Variants in ZNF211 observed in about 807,000 individuals in gnomAD.
ZNF211 encodes zinc finger protein 211, also known as zinc finger protein C2H2-25.
In ZNF211, 18 loss-of-function variants were observed where a neutral mutation model predicts 12.1. That is an observed-to-expected ratio of 1.48 (90% confidence interval 1.03 to 2.20). ZNF211 has a LOEUF of 2.20. ZNF211 is among the 30% of genes most tolerant of loss of function. The pLI is 0.00. For synonymous variants in ZNF211, 249 were observed against 246.0 expected (o/e 1.01, Z -0.11); for missense variants, 677 against 703.1 (o/e 0.96, Z 0.42).
At chr19:57,634,190 C>T (rs1568636912) in intron 2 of ZNF211, 129 bp downstream of exon 2, 2 of 1,053,030 alleles carry the variant, frequency 1.9e-6, no homozygotes, top group East Asian at 5.3e-5. Context: ...GTTTGGGAAC[C>T]CTGGAGAATC....
intron 3 of ZNF211, among the ~76,000 whole-genome samples, chr19:57,637,051 T>C (rs943257165): frequency 9.9e-5 from 15 of 152,232 alleles, no homozygotes; most frequent in Admixed American, 8.5e-4. Flanking sequence ...TATATTCTCC[T>C]ATTTGCTGAA....
Position 57,641,464 on chromosome 19 carries a change from C to T in ZNF211, c.1017C>T (p.Tyr339=), listed in dbSNP as rs1454149239. 1 of 1,610,912 alleles carries T rather than the reference C, an allele frequency of 6.2e-7. No individual in the cohort carries two copies. The highest frequency in any genetic ancestry group is 2.2e-5 in the East Asian group (1 of 44,680). ...GTGGGAAATCGTTTAGTCAGATATA[C>T]AGCCTCAATAGCCATAGGAAAGTTC... is the stretch of plus-strand genomic sequence containing the variant. ...PECGKSFSQI[Y]SLNSHRKVHT... Residue 339 remains tyrosine (Y), a synonymous_variant, in exon 4 of 4, where the codon TAC becomes TAT. Transcript: ENST00000240731.
Position 57,641,300 on chromosome 19 carries a change from C to G in ZNF211, c.853C>G (p.Leu285Val). Residue 285 changes from leucine to valine, a missense_variant, in exon 4 of 4, where the codon CTC becomes GTC. Leu to Val is a conservative substitution (Grantham distance 32, BLOSUM62 1). Coordinates refer to ENST00000240731, the MANE Select transcript of ZNF211 (RefSeq NM_006385.5). ...GAAAGCATGTACGCGAAGATGTAACCTCATTCAGCACCAGAAAGTCCACAG... is the reference window on the plus strand; with the variant it reads ...GAAAGCATGTACGCGAAGATGTAACGTCATTCAGCACCAGAAAGTCCACAG... ...CGKACTRRCN[L>V]IQHQKVHSEE... 1 of 1,614,166 alleles carries G rather than the reference C, an allele frequency of 6.2e-7. No homozygotes were observed. The highest frequency in any genetic ancestry group is 8.5e-7 in the Non-Finnish European group (1 of 1,180,026).
At chr19:57,637,527 T>G (rs1340670141) in intron 3 of ZNF211, among the ~76,000 whole-genome samples, 3 of 152,144 alleles carry the variant, frequency 2.0e-5, no homozygotes, top group Non-Finnish European at 4.4e-5. Flanking sequence ...GTAGCTGGGA[T>G]TACAGGTGTA....
At chr19:57,639,052 A>G (rs937388190) in intron 3 of ZNF211, among the ~76,000 whole-genome samples, 2 of 152,096 alleles carry the variant, frequency 1.3e-5, no homozygotes, top group African/African-American at 4.8e-5. Context: ...TTTGCATGGA[A>G]TATCTTTTTG....
intron 3 of ZNF211, among the ~76,000 whole-genome samples, chr19:57,638,542 GT>G (rs748069366): frequency 6.6e-6 from 1 of 151,710 alleles, no homozygotes; most frequent in African/African-American, 2.4e-5. Context: ...AAATTTTTTA[GT>G]TTCCTTCTAT....
rs775009360 is a variant in ZNF211, at chr19:57,641,708, C to T, written c.1261C>T (p.Arg421Ter). The change falls in exon 4 of 4, where the codon CGA (arginine) becomes TGA (stop). Residue 421 changes from arginine (R) to a stop codon, truncating the protein, a stop_gained. Transcript: ENST00000240731. LOFTEE classifies it low-confidence loss of function (END_TRUNC). ...ECNECGKSFS[R>*]SSSLIHHRRL... ...CAATGAATGTGGAAAATCCTTTAGC[C>T]GAAGCTCCAGCCTCATTCACCACCG... 8.1e-6 allele frequency: 13 copies of T among 1,613,100 alleles called. No homozygotes were observed. The highest frequency in any genetic ancestry group is 2.2e-5 in the East Asian group (1 of 44,804).
In ZNF211 at chr19:57,641,745, C is replaced by A. The variant is rs1264736851; in HGVS notation, c.1298C>A (p.Thr433Asn). Residue 433 changes from threonine to asparagine, a missense_variant, in exon 4 of 4, where the codon ACT becomes AAT. By Grantham distance (65) the Thr-to-Asn change is moderately conservative (BLOSUM62 0). Coordinates refer to ENST00000240731, the MANE Select transcript of ZNF211 (RefSeq NM_006385.5). The part of the protein sequence containing the change: ...SSLIHHRRLH[T>N]GERPYECSKC... ...CTCATTCACCACCGGAGACTTCACA[C>A]TGGAGAAAGACCCTATGAGTGCAGT... is the stretch of plus-strand genomic sequence containing the variant. The A allele has an allele frequency of 8.1e-6, 13 of 1,614,134 alleles. No individual in the cohort carries two copies. Among genetic ancestry groups the A allele is most frequent in the Non-Finnish European group, 1.1e-5 (13 of 1,180,022 alleles).
In ZNF211 at chr19:57,633,265, G is replaced by A. The variant is rs573805036; in HGVS notation, c.-82G>A. The A allele has an allele frequency of 7.6e-7, 1 of 1,315,958 alleles. No homozygotes were observed. The highest frequency in any genetic ancestry group is 1.0e-6 in the Non-Finnish European group (1 of 985,428). The allele number at this position is 1,315,958 out of a possible 1,614,324, so 81.5% of individuals were successfully genotyped here. On this transcript the variant is annotated 5_prime_UTR_variant, in exon 1 of 4. Coordinates refer to ENST00000240731, the MANE Select transcript of ZNF211 (RefSeq NM_006385.5). ...CGCTTTGGTACGCTGCATCGGGATC[G>A]AAGTGACGGACCGTGAAGGCGCGAG...
At chr19:57,633,956 A>G in intron 1 of ZNF211, 67 bp from the exon 2 acceptor site, 1 of 1,604,572 alleles carries the variant, frequency 6.2e-7, no homozygotes, top group Non-Finnish European at 8.5e-7. Context: ...GCAAGGGTAC[A>G]GGGAAGGCCT....
intron 3 of ZNF211, among the ~76,000 whole-genome samples, chr19:57,635,373 A>G (rs1263308467): frequency 1.3e-5 from 2 of 152,194 alleles, no homozygotes; most frequent in African/African-American, 4.8e-5. Context: ...TCATCTTATA[A>G]AACTGAAACT....
rs770716589 is a variant in ZNF211 at position 57,642,155 on chromosome 19, A to G, written c.1708A>G (p.Arg570Gly). ...CAAATCTGTCCTCATTCAACACCAG[A>G]GAGTTCACATTGGAGAAAAGCCTTA... is the stretch of plus-strand genomic sequence containing the variant. The part of the protein sequence containing the change: ...GCKSVLIQHQ[R>G]VHIGEKP The change falls in exon 4 of 4, where the codon AGA (arginine) becomes GGA (glycine). Residue 570 changes from arginine (R) to glycine (G), a missense_variant. Coordinates refer to ENST00000240731, the MANE Select transcript of ZNF211 (RefSeq NM_006385.5). 6.2e-7 allele frequency: 1 copy of G among 1,610,694 alleles called. No homozygotes were observed. Among genetic ancestry groups the G allele is most frequent in the Non-Finnish European group, 8.5e-7 (1 of 1,177,614 alleles).
intron 2 of ZNF211, chr19:57,634,262 G>A (rs112257113): frequency 1.8e-6 from 1 of 552,568 alleles, no homozygotes; most frequent in South Asian, 4.2e-5. Flanking sequence ...ATGGAAAGAT[G>A]GGTGAAAATT....
At chr19:57,637,648 C>T (rs1982309463) in intron 3 of ZNF211, among the ~76,000 whole-genome samples, 1 of 152,096 alleles carries the variant, frequency 6.6e-6, no homozygotes, top group Non-Finnish European at 1.5e-5. Flanking sequence ...ATTCAGTTTG[C>T]TAGTGTTTGG....
chr19:57,640,951 G>C lies in ZNF211; in HGVS notation c.504G>C (p.Arg168Ser). ...YISANLQQHQ[R>S]QHITEAPFRS... ...GTGCAAATCTTCAACAGCACCAGAG[G>C]CAGCACATTACAGAGGCACCTTTCA... is the stretch of plus-strand genomic sequence containing the variant. Residue 168 changes from arginine (R) to serine (S), a missense_variant, in exon 4 of 4, where the codon AGG (arginine) becomes AGC (serine). Physicochemically the swap from Arg to Ser is moderately radical, Grantham distance 110. Transcript: ENST00000240731. The C allele has an allele frequency of 6.2e-7, 1 of 1,614,204 alleles. No homozygotes were observed. The highest frequency in any genetic ancestry group is 8.5e-7 in the Non-Finnish European group (1 of 1,180,044).
rs948462046 is a variant in ZNF211, at chr19:57,643,636, G to A, written c.*1455G>A. On this transcript the variant is annotated 3_prime_UTR_variant, in exon 4 of 4. Coordinates refer to ENST00000240731, the MANE Select transcript of ZNF211 (RefSeq NM_006385.5). ...GTGTCCCTCCAAGGTCATCAGGAAA[G>A]AGAGTTAATGTAGGGTTACCAAACC... Among the ~76,000 whole-genome samples, 2 of 152,172 alleles carry A rather than the reference G, an allele frequency of 1.3e-5. No homozygotes were observed. Among genetic ancestry groups the A allele is most frequent in the Admixed American group, 6.5e-5 (1 of 15,272 alleles).
chr19:57,642,370 C>A lies in ZNF211; in HGVS notation c.*189C>A. ...AGAAAGTGTTAGACTTTCTCACCTGCCATTTATGGCTCTTGCCGTTTATGT... is the reference window on the plus strand; with the variant it reads ...AGAAAGTGTTAGACTTTCTCACCTGACATTTATGGCTCTTGCCGTTTATGT... On this transcript the variant is annotated 3_prime_UTR_variant, in exon 4 of 4. Transcript: ENST00000240731. The A allele has an allele frequency of 3.2e-6, 2 of 628,244 alleles. No homozygotes were observed. Among genetic ancestry groups the A allele is most frequent in the Non-Finnish European group, 5.2e-6 (2 of 382,710 alleles). The allele number at this position is 628,244 out of a possible 1,614,324, so 38.9% of individuals were successfully genotyped here. A position where few individuals can be genotyped will look rare whatever the true frequency, so the allele number is the denominator to read the frequency against.
rs1236758266 is a variant in ZNF211, at chr19:57,633,368, C to T, written c.22C>T (p.Arg8Cys). The T allele has an allele frequency of 1.9e-6, 3 of 1,598,846 alleles. No individual in the cohort carries two copies. Among genetic ancestry groups the T allele is most frequent in the African/African-American group, 1.3e-5 (1 of 74,806 alleles). Residue 8 changes from arginine (R) to cysteine (C), a missense_variant, in exon 1 of 4, where the codon CGC becomes TGC. Physicochemically the swap from Arg to Cys is radical, Grantham distance 180. Transcript: ENST00000240731. Reference protein sequence around the residue: MLGFPPGRPQLPVQLRPQ... With the variant: MLGFPPGCPQLPVQLRPQ... ...AGCGATGCTCGGGTTCCCCCCGGGT[C>T]GCCCGCAGCTCCCGGTCCAGCTCCG...
chr19:57,641,690 T>C lies in ZNF211; in HGVS notation c.1243T>C (p.Cys415Arg). 1 of 1,614,186 alleles carries C rather than the reference T, an allele frequency of 6.2e-7. No individual in the cohort carries two copies. The highest frequency in any genetic ancestry group is 8.5e-7 in the Non-Finnish European group (1 of 1,180,024). ...TGERPHECNE[C>R]GKSFSRSSSL... is the part of the protein sequence containing the mutation. ...AGAAAGACCTCATGAGTGCAATGAA[T>C]GTGGAAAATCCTTTAGCCGAAGCTC... is the stretch of plus-strand genomic sequence containing the variant. Residue 415 changes from cysteine (C) to arginine (R), a missense_variant, in exon 4 of 4, where the codon TGT becomes CGT. Cys to Arg is a radical substitution (Grantham distance 180). Coordinates refer to ENST00000240731, the MANE Select transcript of ZNF211 (RefSeq NM_006385.5).
Sources: allele counts gnomAD v4.1 joint callset (sites outside exome capture counted in the v4.1 genomes callset), GRCh38; gene constraint gnomAD v4.1.1; transcripts MANE v1.5; gene names NCBI Gene and HGNC (gene_info 2026-07-23, HGNC 2026-07-21).